The following KRT82 variants were observed in gnomAD, a reference collection of about 807,000 sequenced individuals.
KRT82 encodes the protein keratin, type II cuticular Hb2.
A neutral mutation model predicts 48.0 loss-of-function variants in KRT82; 44 were observed. That is an observed-to-expected ratio of 0.92 (90% CI 0.72 to 1.18). The LOEUF is 1.18. Among genes scored for constraint, KRT82 ranks in the 50% most tolerant of loss-of-function variants. KRT82 has a pLI of 0.00. For missense variants in KRT82, 701 were observed against 671.4 expected, an observed-to-expected ratio of 1.04 and a Z score of -0.49; for synonymous variants, 297 against 278.3, an observed-to-expected ratio of 1.07 and a Z score of -0.67.
rs1193690000 is a variant in KRT82 at position 52,400,548 on chromosome 12, G to A, written c.756C>T (p.Phe252=). 6.2e-7 allele frequency: 1 copy of A among 1,613,904 alleles called. No individual in the cohort carries two copies. Among genetic ancestry groups the A allele is most frequent in the Non-Finnish European group, 8.5e-7 (1 of 1,179,890 alleles). ...NAEALVQEID[F]LKSLYEEEIC... ...GTACCTCCTCATACAGGCTTTTCAG[G>A]AAGTCGATCTCCTGCACGAGTGCCT... The change falls in exon 4 of 9, where the codon TTC becomes TTT. Residue 252 remains phenylalanine (F), a synonymous_variant. Transcript: ENST00000257974.
chr12:52,404,912 T>C (rs927518946), intron 1 of KRT82, among the ~76,000 whole-genome samples: 4 of 152,196 alleles, frequency 2.6e-5, no homozygotes, highest in African/African-American at 9.7e-5. Context: ...AAGAGGTGAA[T>C]GGCTTGCCCG....
rs200149668 is a variant in KRT82, at chr12:52,400,620, G to A, written c.684C>T (p.Asp228=). 29 of 1,611,834 alleles carry A rather than the reference G, an allele frequency of 1.8e-5. No individual in the cohort carries two copies. Among genetic ancestry groups the A allele is most frequent in the Admixed American group, 8.3e-5 (5 of 60,002 alleles). ...VENEFVALKK[D]VDTAFLMKAD... is the part of the protein sequence containing the mutation. ...CCTTCATCAGGAAGGCTGTGTCCACGTCCTGCAGCAGAGCAGGGACAGAAT... is the reference window on the plus strand; with the variant it reads ...CCTTCATCAGGAAGGCTGTGTCCACATCCTGCAGCAGAGCAGGGACAGAAT... Residue 228 remains aspartate (D), a splice_region_variant and synonymous_variant, in exon 4 of 9, where the codon GAC becomes GAT. Coordinates refer to ENST00000257974, the MANE Select transcript of KRT82 (RefSeq NM_033033.4).
intron 7 of KRT82, 67 bp from the exon 8 acceptor site, chr12:52,395,857 C>A: frequency 1.4e-6 from 2 of 1,454,104 alleles, no homozygotes; most frequent in Admixed American, 2.1e-5. Context: ...GCAGCATCTC[C>A]CCGCTCCCGC....
chr12:52,405,192 T>C (rs1321926616), intron 1 of KRT82, among the ~76,000 whole-genome samples: 4 of 152,114 alleles, frequency 2.6e-5, no homozygotes, highest in Admixed American at 2.0e-4. Flanking sequence ...GTGGGTGCTA[T>C]ACTGTAGATG....
chr12:52,400,590 G>A lies in KRT82; in HGVS notation c.714C>T (p.Asp238=), dbSNP rs138503983. ...CGAGTGCCTCTGCGTTGGTCTCCAG[G>A]TCAGCCTTCATCAGGAAGGCTGTGT... ...DVDTAFLMKA[D]LETNAEALVQ... The change falls in exon 4 of 9, where the codon GAC becomes GAT. Residue 238 remains aspartate, a synonymous_variant. Transcript: ENST00000257974. 1.9e-6 allele frequency: 3 copies of A among 1,613,936 alleles called. No homozygotes were observed. In the African/African-American group the frequency reaches 4.0e-5, roughly 22 times the overall value.
chr12:52,399,565 T>G (rs1026810021), intron 5 of KRT82, among the ~76,000 whole-genome samples: 1 of 152,232 alleles, frequency 6.6e-6, no homozygotes, highest in African/African-American at 2.4e-5. Flanking sequence ...TCTTAATCAC[T>G]GTTTCTGCTC....
Position 52,395,169 on chromosome 12 carries a change from G to A in KRT82, c.1348C>T (p.Leu450=). ...GTGCTGACCCCACATGGCTCGTACA[G>A]GAAGGCGCCTTTGGAGCTGCTCACT... ...ISVSSSKGAF[L]YEPCGVSTPV... Residue 450 remains leucine, a synonymous_variant, in exon 9 of 9, where the codon CTG becomes TTG. Transcript: ENST00000257974. 6.2e-7 allele frequency: 1 copy of A among 1,613,974 alleles called. No individual in the cohort carries two copies. Among genetic ancestry groups the A allele is most frequent in the Non-Finnish European group, 8.5e-7 (1 of 1,179,960 alleles).
At chr12:52,399,948 C>A (rs1233435103) in intron 5 of KRT82, 37 bp downstream of exon 5, 3 of 1,598,670 alleles carry the variant, frequency 1.9e-6, no homozygotes, top group Non-Finnish European at 2.6e-6. Flanking sequence ...GGTTTGTCAC[C>A]TCTCCAGTCT....
In KRT82 at chr12:52,396,878, C is replaced by G. The variant is rs753275416; in HGVS notation, c.1068+5G>C. On this transcript the variant is annotated splice_donor_5th_base_variant and intron_variant, in intron 6 of 8. Coordinates refer to ENST00000257974, the MANE Select transcript of KRT82 (RefSeq NM_033033.4). ...TTGCAGCAAGGAAGTCCTCCCCAGCCTCACCTGGGCTTTGACATTCTCGGT... is the reference window on the plus strand; with the variant it reads ...TTGCAGCAAGGAAGTCCTCCCCAGCGTCACCTGGGCTTTGACATTCTCGGT... The G allele has an allele frequency of 3.7e-6, 6 of 1,613,792 alleles. No homozygotes were observed. In the Admixed American group the frequency reaches 6.7e-5, roughly 18 times the overall value.
rs146477429 is a variant in KRT82, at chr12:52,395,164, G to A, written c.1353C>T (p.Tyr451=). Residue 451 remains tyrosine (Y), a synonymous_variant, in exon 9 of 9, where the codon TAC becomes TAT. Transcript: ENST00000257974. ...CAGGCGTGCTGACCCCACATGGCTC[G>A]TACAGGAAGGCGCCTTTGGAGCTGC... ...SVSSSKGAFL[Y]EPCGVSTPVL... 76 of 1,613,944 alleles carry A rather than the reference G, an allele frequency of 4.7e-5. No individual in the cohort carries two copies. The highest frequency in any genetic ancestry group is 1.3e-4 in the Admixed American group (8 of 60,018).
intron 1 of KRT82, among the ~76,000 whole-genome samples, chr12:52,404,587 C>G (rs1446454117): frequency 6.6e-6 from 1 of 152,184 alleles, no homozygotes; most frequent in African/African-American, 2.4e-5. Context: ...AACGTGGTCT[C>G]CAGCCCTTGC....
At chr12:52,395,969 A>G in intron 7 of KRT82, 43 bp downstream of exon 7, 2 of 1,612,520 alleles carry the variant, frequency 1.2e-6, no homozygotes, top group Non-Finnish European at 1.7e-6. Flanking sequence ...GGTAATGGCC[A>G]TACCTGGTAG....
chr12:52,397,741 T>C (rs1939734086), intron 5 of KRT82, among the ~76,000 whole-genome samples: 1 of 152,212 alleles, frequency 6.6e-6, no homozygotes, highest in Admixed American at 6.5e-5. Flanking sequence ...ATATCCATTG[T>C]CCTCTTCTTA....
At chr12:52,400,410 G>A in intron 4 of KRT82, 117 bp downstream of exon 4, 1 of 821,976 alleles carries the variant, frequency 1.2e-6, no homozygotes, top group Non-Finnish European at 2.0e-6. Flanking sequence ...CGTCTCTACA[G>A]TGCGGACCTC....
intron 2 of KRT82, chr12:52,401,971 A>G (rs1272483309): frequency 2.0e-5 from 3 of 152,144 alleles, no homozygotes; most frequent in Non-Finnish European, 4.4e-5. Context: ...CATCATGTCC[A>G]TCTCTCTTTT....
chr12:52,397,209 AC>A (rs1300806896), intron 5 of KRT82, among the ~76,000 whole-genome samples: 1 of 151,520 alleles, frequency 6.6e-6, no homozygotes, highest in Non-Finnish European at 1.5e-5. Flanking sequence ...TTCCCATCTC[AC>A]CCCATCCCCA....
intron 5 of KRT82, among the ~76,000 whole-genome samples, chr12:52,398,450 A>G (rs1939742313): frequency 6.6e-6 from 1 of 150,912 alleles, no homozygotes; most frequent in African/African-American, 2.4e-5. Context: ...ACTTCAAGCT[A>G]CTTTAGAAAA....
rs1461919804 is a variant in KRT82, at chr12:52,405,801, C to T, written c.411+66G>A. 5.3e-6 allele frequency: 8 copies of T among 1,496,436 alleles called. No individual in the cohort carries two copies. In the African/African-American group the frequency reaches 1.1e-4, roughly 21 times the overall value. The allele number at this position is 1,496,436 out of a possible 1,614,324, so 92.7% of individuals were successfully genotyped here. On this transcript the variant is annotated intron_variant, in intron 1 of 8. Transcript: ENST00000257974. ...CAGTCTCCTCCTGGTTCCCTTGGACCAGAACAAGACCAGACCCCAGATCTG... is the reference window on the plus strand; with the variant it reads ...CAGTCTCCTCCTGGTTCCCTTGGACTAGAACAAGACCAGACCCCAGATCTG...
rs200937725 is a variant in KRT82, at chr12:52,395,077, G to A, written c.1440C>T (p.Leu480=). ...GGCSIVGTGE[L]YVPCEPQGLL... ...GCCCCTGGGGCTCGCAGGGGACATA[G>A]AGTTCACCAGTGCCCACGATGCTGC... The change falls in exon 9 of 9, where the codon CTC becomes CTT. Residue 480 remains leucine, a synonymous_variant. Transcript: ENST00000257974. 3.2e-5 allele frequency: 51 copies of A among 1,614,076 alleles called. No homozygotes were observed. The East Asian group carries it at 6.7e-4, about 21-fold the overall frequency.
Sources: allele counts gnomAD v4.1 joint callset (sites outside exome capture counted in the v4.1 genomes callset), GRCh38; gene constraint gnomAD v4.1.1; transcripts MANE v1.5; gene names NCBI Gene and HGNC (gene_info 2026-07-23, HGNC 2026-07-21).